Variants in ZDHHC14 observed in about 807,000 individuals in gnomAD.
ZDHHC14 encodes the protein palmitoyltransferase ZDHHC14.
ZDHHC14 carries 16 observed loss-of-function variants against 47.7 expected under a neutral mutation model. The observed-to-expected ratio is 0.34, with a 90% CI of 0.23 to 0.51. ZDHHC14 has a LOEUF of 0.51. ZDHHC14 is among the 20% of genes least tolerant of loss of function. ZDHHC14 has a pLI of 0.97. For synonymous variants in ZDHHC14, 293 were observed against 278.9 expected (o/e 1.05, Z -0.50); for missense variants, 515 against 662.5 (o/e 0.78, Z 2.44).
intron 2 of ZDHHC14, among the ~76,000 whole-genome samples, chr6:157,560,447 T>C (rs1238546539): frequency 1.3e-5 from 2 of 152,248 alleles, no homozygotes; most frequent in East Asian, 3.8e-4. Flanking sequence ...AGATATCTAA[T>C]GGCTTATAAA....
At chr6:157,545,004 T>C (rs1195775238) in intron 2 of ZDHHC14, among the ~76,000 whole-genome samples, 3 of 152,180 alleles carry the variant, frequency 2.0e-5, no homozygotes, top group African/African-American at 4.8e-5. Context: ...ATCCATACAA[T>C]TGGATTCCAT....
chr6:157,466,054 AAGAG>A (rs1562436516), intron 1 of ZDHHC14, among the ~76,000 whole-genome samples: 1 of 151,868 alleles, frequency 6.6e-6, no homozygotes, highest in African/African-American at 2.4e-5. Context: ...AGAAAAAAAA[AAGAG>A]AGAGAGAGAT....
chr6:157,414,209 C>T (rs548365598), intron 1 of ZDHHC14, among the ~76,000 whole-genome samples: 1 of 152,300 alleles, frequency 6.6e-6, no homozygotes, highest in Non-Finnish European at 1.5e-5. Flanking sequence ...CAGGCGTGCA[C>T]CACCATGCGC....
At chr6:157,653,499 C>T (rs1473764950) in intron 7 of ZDHHC14, 26 bp from the exon 8 acceptor site, 10 of 1,611,640 alleles carry the variant, frequency 6.2e-6, no homozygotes, top group Non-Finnish European at 8.5e-6. Flanking sequence ...CACTCTCTTC[C>T]TGCTGTGTTT....
At chr6:157,403,269 G>T (rs567720115) in intron 1 of ZDHHC14, among the ~76,000 whole-genome samples, 14 of 152,284 alleles carry the variant, frequency 9.2e-5, no homozygotes, top group African/African-American at 3.4e-4. Flanking sequence ...AAATACTATT[G>T]TCATGCTCCA....
intron 8 of ZDHHC14, among the ~76,000 whole-genome samples, chr6:157,659,975 G>A (rs1265687921): frequency 6.6e-6 from 1 of 152,144 alleles, no homozygotes; most frequent in Non-Finnish European, 1.5e-5. Context: ...GGATAGGTGG[G>A]TCTCTGCTGA....
At chr6:157,504,655 C>T (rs567507675) in intron 1 of ZDHHC14, among the ~76,000 whole-genome samples, 3 of 151,854 alleles carry the variant, frequency 2.0e-5, no homozygotes, top group Non-Finnish European at 4.4e-5. Flanking sequence ...AGGTGATCTG[C>T]CCACCTCGGC....
chr6:157,443,197 C>T (rs1352986264), intron 1 of ZDHHC14, among the ~76,000 whole-genome samples: 3 of 152,184 alleles, frequency 2.0e-5, no homozygotes, highest in East Asian at 1.9e-4. Flanking sequence ...TTGCTCTGCA[C>T]TTCTCTCTCC....
chr6:157,462,787 G>A (rs539645968), intron 1 of ZDHHC14, among the ~76,000 whole-genome samples: 1 of 152,386 alleles, frequency 6.6e-6, no homozygotes, highest in East Asian at 1.9e-4. Context: ...CCCCAGCCCT[G>A]GAGGGCCTGG....
Position 157,647,187 on chromosome 6 carries a change from A to G in ZDHHC14, c.856-72A>G, listed in dbSNP as rs146392422. The G allele has an allele frequency of 1.1e-3, 1,115 of 1,004,768 alleles. 10 individuals carry two copies. The Admixed American group carries it at 0.011, about 10-fold the overall frequency. 62.2% of individuals were successfully genotyped at this position (1,004,768 alleles called of 1,614,324 possible). On this transcript the variant is annotated intron_variant, in intron 6 of 8. Coordinates refer to ENST00000359775, the MANE Select transcript of ZDHHC14 (RefSeq NM_024630.3). Reference sequence around the variant, plus strand: ...GATTTGCATTCTTTATGAGCCTCTCATGGTCCAGCTCACCTCAACTGTGCG... The same window carrying G: ...GATTTGCATTCTTTATGAGCCTCTCGTGGTCCAGCTCACCTCAACTGTGCG...
At chr6:157,561,168 C>A (rs1782692293) in intron 2 of ZDHHC14, among the ~76,000 whole-genome samples, 1 of 152,188 alleles carries the variant, frequency 6.6e-6, no homozygotes, top group African/African-American at 2.4e-5. Context: ...CTTCTTGCAA[C>A]TACACCTGAG....
intron 8 of ZDHHC14, among the ~76,000 whole-genome samples, chr6:157,659,295 G>A (rs1258999782): frequency 6.6e-6 from 1 of 152,208 alleles, no homozygotes; most frequent in East Asian, 1.9e-4. Context: ...TAAACATTCT[G>A]TGAAATGCAC....
At chr6:157,398,055 C>CCCCCAGCT (rs1289749618) in intron 1 of ZDHHC14, among the ~76,000 whole-genome samples, 3 of 150,148 alleles carry the variant, frequency 2.0e-5, no homozygotes, top group Non-Finnish European at 4.5e-5. Flanking sequence ...GCTCCCCAGC[C>CCCCCAGCT]CCCCAGCTCC....
intron 2 of ZDHHC14, among the ~76,000 whole-genome samples, chr6:157,553,781 A>G (rs1248271984): frequency 6.6e-6 from 1 of 152,174 alleles, no homozygotes; most frequent in African/African-American, 2.4e-5. Flanking sequence ...GAGATTAAGA[A>G]TCATTGCCTA....
At chr6:157,411,369 T>A (rs1352952553) in intron 1 of ZDHHC14, among the ~76,000 whole-genome samples, 1 of 152,122 alleles carries the variant, frequency 6.6e-6, no homozygotes. Flanking sequence ...GGAGAGCTCC[T>A]TTGTGTGGAT....
At chr6:157,577,431 A>G (rs1291399038) in intron 2 of ZDHHC14, among the ~76,000 whole-genome samples, 1 of 152,222 alleles carries the variant, frequency 6.6e-6, no homozygotes, top group Non-Finnish European at 1.5e-5. Flanking sequence ...TTCTTTGAGG[A>G]ATCACCATGC....
chr6:157,650,024 G>T (rs527785713), intron 7 of ZDHHC14, among the ~76,000 whole-genome samples: 1 of 151,122 alleles, frequency 6.6e-6, no homozygotes, highest in Non-Finnish European at 1.5e-5. Flanking sequence ...TGTGCCAGGC[G>T]CTGGGGGTGC....
At chr6:157,593,231 T>A in intron 3 of ZDHHC14, 85 bp downstream of exon 3, 1 of 1,457,106 alleles carries the variant, frequency 6.9e-7, no homozygotes, top group Non-Finnish European at 9.3e-7. Flanking sequence ...CACGGAACAC[T>A]CAGTAATGGT....
chr6:157,621,526 T>A (rs1264182720), intron 3 of ZDHHC14, among the ~76,000 whole-genome samples: 1 of 152,120 alleles, frequency 6.6e-6, no homozygotes, highest in Non-Finnish European at 1.5e-5. Flanking sequence ...ATTCCCCACA[T>A]CCTGACCAAG....
Sources: allele counts gnomAD v4.1 joint callset (sites outside exome capture counted in the v4.1 genomes callset), GRCh38; gene constraint gnomAD v4.1.1; transcripts MANE v1.5; gene names NCBI Gene and HGNC (gene_info 2026-07-23, HGNC 2026-07-21).